The following VAV2 variants were observed in gnomAD, a reference collection of about 807,000 sequenced individuals.
VAV2 encodes vav guanine nucleotide exchange factor 2.
Under a neutral mutation model 132.5 loss-of-function variants are expected in VAV2, and 67 were observed. The ratio of observed to expected loss-of-function variants is 0.51; its 90% CI spans 0.42 to 0.62. The LOEUF (loss-of-function observed/expected upper bound fraction) is 0.62. VAV2 is among the 20% of genes least tolerant of loss of function. VAV2 has a pLI of 0.00. For missense variants in VAV2, 938 were observed against 1,153.6 expected, an observed-to-expected ratio of 0.81 and a Z score of 2.71; for synonymous variants, 492 against 443.5, an observed-to-expected ratio of 1.11 and a Z score of -1.37.
intron 11 of VAV2, among the ~76,000 whole-genome samples, chr9:133,795,959 G>A (rs1479513031): frequency 6.6e-6 from 1 of 152,250 alleles, no homozygotes; most frequent in South Asian, 2.1e-4. Context: ...AAACCTTGTG[G>A]ATAAGGGAAG....
At chr9:133,910,134 G>C (rs1252428562) in intron 2 of VAV2, among the ~76,000 whole-genome samples, 1 of 152,188 alleles carries the variant, frequency 6.6e-6, no homozygotes, top group Admixed American at 6.5e-5. Flanking sequence ...CTATTGCCTA[G>C]AATGAAGAAG....
chr9:133,822,003 G>T (rs1298305761), intron 4 of VAV2, among the ~76,000 whole-genome samples: 1 of 152,092 alleles, frequency 6.6e-6, no homozygotes, highest in African/African-American at 2.4e-5. Flanking sequence ...TCCAGGAGGG[G>T]CCCCGAGCAC....
intron 14 of VAV2, 49 bp downstream of exon 14, chr9:133,789,209 C>A: frequency 6.2e-7 from 1 of 1,604,324 alleles, no homozygotes; most frequent in Non-Finnish European, 8.5e-7. Flanking sequence ...GGAGGGAGAG[C>A]CAGACCCTGG....
chr9:133,901,289 C>T (rs1196530407), intron 2 of VAV2, among the ~76,000 whole-genome samples: 1 of 152,240 alleles, frequency 6.6e-6, no homozygotes, highest in Non-Finnish European at 1.5e-5. Context: ...CTACCCACTC[C>T]CCACGGGTCT....
chr9:133,806,625 C>T (rs1346289706), intron 8 of VAV2, among the ~76,000 whole-genome samples: 5 of 152,196 alleles, frequency 3.3e-5, no homozygotes, highest in Admixed American at 1.3e-4. Flanking sequence ...GTCAGAGGCA[C>T]AGACTATAGG....
At chr9:133,987,142 G>C (rs549230337) in intron 1 of VAV2, among the ~76,000 whole-genome samples, 2 of 152,282 alleles carry the variant, frequency 1.3e-5, no homozygotes, top group Admixed American at 6.5e-5. Flanking sequence ...GACCTGGAAG[G>C]GGGGCAGCCA....
At chr9:133,890,800 C>T (rs1265749729) in intron 2 of VAV2, among the ~76,000 whole-genome samples, 4 of 152,068 alleles carry the variant, frequency 2.6e-5, no homozygotes, top group Non-Finnish European at 4.4e-5. Flanking sequence ...AGGTGGAAGC[C>T]GCACGCTGGT....
At chr9:133,870,035 G>C (rs554298082) in intron 2 of VAV2, among the ~76,000 whole-genome samples, 1 of 151,776 alleles carries the variant, frequency 6.6e-6, no homozygotes, top group Non-Finnish European at 1.5e-5. Flanking sequence ...TGGAAAGCAC[G>C]GACAGAAAAA....
chr9:133,782,597 C>T (rs528652711), intron 19 of VAV2, among the ~76,000 whole-genome samples: 2 of 152,336 alleles, frequency 1.3e-5, no homozygotes, highest in Admixed American at 1.3e-4. Context: ...TGGGCAATGG[C>T]GTCTCTGGGT....
At chr9:133,911,886 G>C (rs933030639) in intron 2 of VAV2, among the ~76,000 whole-genome samples, 2 of 152,226 alleles carry the variant, frequency 1.3e-5, no homozygotes, top group Admixed American at 1.3e-4. Flanking sequence ...AGCCCCACAG[G>C]TCAGGATTGC....
intron 2 of VAV2, among the ~76,000 whole-genome samples, chr9:133,874,460 G>A (rs1014454452): frequency 2.6e-5 from 4 of 152,302 alleles, no homozygotes; most frequent in East Asian, 1.9e-4. Context: ...CAGACGAGCC[G>A]CATCAGTCCC....
intron 3 of VAV2, among the ~76,000 whole-genome samples, chr9:133,843,880 G>T (rs1200975804): frequency 6.6e-6 from 1 of 152,182 alleles, no homozygotes; most frequent in Non-Finnish European, 1.5e-5. Context: ...CGGGTTGGAA[G>T]GTGGGGGCAC....
At chr9:133,843,575 C>T (rs974913435) in intron 3 of VAV2, among the ~76,000 whole-genome samples, 4 of 152,118 alleles carry the variant, frequency 2.6e-5, no homozygotes, top group Non-Finnish European at 4.4e-5. Flanking sequence ...TACAGGCTTG[C>T]TAAGGGCCCT....
At chr9:133,792,218 T>G in intron 12 of VAV2, among the ~76,000 whole-genome samples, 1 of 129,422 alleles carries the variant, frequency 7.7e-6, no homozygotes, top group Non-Finnish European at 1.6e-5. Context: ...GTGAGCTGGT[T>G]GTGCTGGTTG....
intron 12 of VAV2, among the ~76,000 whole-genome samples, chr9:133,792,678 A>ACCC (rs199592841): frequency 8.4e-6 from 1 of 118,660 alleles, no homozygotes; most frequent in African/African-American, 3.2e-5. Flanking sequence ...CCCCCAAGGG[A>ACCC]CCCCCCCCCC....
intron 24 of VAV2, 91 bp downstream of exon 24, chr9:133,775,937 C>G: frequency 1.4e-6 from 2 of 1,479,900 alleles, no homozygotes; most frequent in Non-Finnish European, 1.8e-6. Flanking sequence ...CCCTGCTGGG[C>G]CGCTCACAGG....
At chr9:133,790,373 T>C (rs1315982185) in intron 13 of VAV2, among the ~76,000 whole-genome samples, 1 of 152,162 alleles carries the variant, frequency 6.6e-6, no homozygotes, top group Non-Finnish European at 1.5e-5. Context: ...GACAGGGTTT[T>C]ACCACATTTG....
At chr9:133,956,027 A>G (rs944506450) in intron 1 of VAV2, among the ~76,000 whole-genome samples, 1 of 151,512 alleles carries the variant, frequency 6.6e-6, no homozygotes, top group Non-Finnish European at 1.5e-5. Flanking sequence ...TCGCAGAGTC[A>G]AGACCTGGAG....
Position 133,807,240 on chromosome 9 carries a change from G to A in VAV2, c.735+18C>T, listed in dbSNP as rs781630814. 5 of 1,607,026 alleles carry A rather than the reference G, an allele frequency of 3.1e-6. No homozygotes were observed. The highest frequency in any genetic ancestry group is 1.3e-5 in the African/African-American group (1 of 74,844). On this transcript the variant is annotated intron_variant, in intron 8 of 29. Coordinates refer to ENST00000371850, the MANE Select transcript of VAV2 (RefSeq NM_001134398.2). ...GGGCCCCGAGCCTGGCATGAGCGAT[G>A]GGGGCCGGGACCCTTACCTCCAGGT...
Sources: gnomAD v4.1 joint callset for allele counts (sites outside exome capture counted in the v4.1 genomes callset) on GRCh38, gnomAD v4.1.1 for gene constraint, MANE v1.5 for transcripts, NCBI Gene and HGNC (gene_info 2026-07-23, HGNC 2026-07-21) for gene names.